The following TG variants were observed in gnomAD, a reference collection of about 807,000 sequenced individuals.
TG encodes thyroid hormones.
Under a neutral mutation model 324.7 loss-of-function variants are expected in TG, and 270 were observed. That is an observed-to-expected ratio of 0.83 (90% CI 0.75 to 0.92). TG has a LOEUF of 0.92. Among genes scored for constraint, TG ranks in the 40% least tolerant of loss-of-function variants. The probability of loss-of-function intolerance (pLI) is 0.00; values close to 1 mark genes in which losing one functional copy is unlikely to be tolerated. For synonymous variants in TG, 1,401 were observed against 1,327.0 expected (o/e 1.06, Z -1.21); for missense variants, 3,591 against 3,456.4 (o/e 1.04, Z -0.98).
chr8:133,058,115 C>T (rs1841786778), intron 41 of TG, among the ~76,000 whole-genome samples: 1 of 152,212 alleles, frequency 6.6e-6, no homozygotes, highest in Non-Finnish European at 1.5e-5. Flanking sequence ...AAAACTCTGA[C>T]CCTGTGCATG....
Position 133,018,008 on chromosome 8 carries a change from A to C in TG, c.6782+11A>C. ...TGCCAGCAAGCCAAGGTATGGGTTGAGTGGAGCACATCTTGGTAAATGCTC... is the reference window on the plus strand; with the variant it reads ...TGCCAGCAAGCCAAGGTATGGGTTGCGTGGAGCACATCTTGGTAAATGCTC... On this transcript the variant is annotated intron_variant, in intron 38 of 47. Transcript: ENST00000220616. 1.5e-5 allele frequency: 24 copies of C among 1,613,330 alleles called. No homozygotes were observed. Among genetic ancestry groups the C allele is most frequent in the Non-Finnish European group, 2.0e-5 (23 of 1,179,376 alleles).
chr8:132,922,617 C>T (rs1270479183), intron 21 of TG, among the ~76,000 whole-genome samples: 2 of 152,156 alleles, frequency 1.3e-5, no homozygotes, highest in African/African-American at 4.8e-5. Context: ...AAGAAAATAC[C>T]ATAAACTGGG....
intron 41 of TG, among the ~76,000 whole-genome samples, chr8:133,079,900 T>A (rs1440476989): frequency 6.6e-6 from 1 of 151,962 alleles, no homozygotes; most frequent in African/African-American, 2.4e-5. Flanking sequence ...CAAGATCGCA[T>A]ACAAGATAGA....
At chr8:132,869,022 C>A (rs891025740) in intron 2 of TG, among the ~76,000 whole-genome samples, 1 of 152,198 alleles carries the variant, frequency 6.6e-6, no homozygotes, top group Non-Finnish European at 1.5e-5. Flanking sequence ...AGAGATGCTG[C>A]TAGAGCAGTC....
intron 28 of TG, among the ~76,000 whole-genome samples, chr8:132,961,482 T>G (rs188589718): frequency 5.6e-4 from 85 of 152,274 alleles, no homozygotes; most frequent in Middle Eastern, 3.4e-3. Context: ...TGCCCTGATC[T>G]CCTGCTCAGA....
chr8:133,115,820 G>A (rs972780050), intron 44 of TG, among the ~76,000 whole-genome samples: 11 of 152,212 alleles, frequency 7.2e-5, no homozygotes, highest in Non-Finnish European at 1.5e-4. Context: ...GTCAGCACAC[G>A]CAGGGCCCCA....
intron 43 of TG, among the ~76,000 whole-genome samples, chr8:133,109,895 A>G (rs1056696796): frequency 2.0e-5 from 3 of 152,162 alleles, no homozygotes; most frequent in Non-Finnish European, 4.4e-5. Flanking sequence ...ACTCCTCTGC[A>G]GCCCAGGAGG....
At chr8:133,050,086 G>A (rs2741194) in intron 41 of TG, 157,809 of 842,002 alleles carry the variant, frequency 0.19, 19,972 homozygotes, top group East Asian at 0.51. Context: ...GGACAGTTTG[G>A]AACATTCCTC....
chr8:133,055,179 T>G (rs180725126), intron 41 of TG, among the ~76,000 whole-genome samples: 5 of 152,204 alleles, frequency 3.3e-5, no homozygotes, highest in Non-Finnish European at 7.4e-5. Context: ...AAAGGCAGAC[T>G]CCAGGTAAGT....
chr8:133,085,727 A>G (rs994294682), intron 41 of TG, among the ~76,000 whole-genome samples: 1 of 152,250 alleles, frequency 6.6e-6, no homozygotes, highest in Non-Finnish European at 1.5e-5. Flanking sequence ...TGTAAGCATT[A>G]CTGAAGATAT....
chr8:133,050,433 G>A (rs1457178323), intron 41 of TG: 1 of 247,432 alleles, frequency 4.0e-6, no homozygotes, highest in African/African-American at 2.2e-5. Flanking sequence ...TAAGAGGAGA[G>A]AAGGCAAATT....
chr8:132,976,152 G>GGGA (rs1830145883), intron 34 of TG, among the ~76,000 whole-genome samples: 1 of 152,176 alleles, frequency 6.6e-6, no homozygotes, highest in South Asian at 2.1e-4. Context: ...AATTGTGCTT[G>GGGA]GGAGGTGTCT....
At chr8:133,117,552 G>A (rs1406040701) in intron 45 of TG, among the ~76,000 whole-genome samples, 2 of 152,190 alleles carry the variant, frequency 1.3e-5, no homozygotes, top group Admixed American at 1.3e-4. Context: ...CACTGAGGCA[G>A]TGACTTCGTG....
chr8:132,957,136 C>T (rs937004488), intron 27 of TG, among the ~76,000 whole-genome samples: 2 of 152,018 alleles, frequency 1.3e-5, no homozygotes, highest in East Asian at 3.9e-4. Flanking sequence ...TGAAGACCAC[C>T]AAGGGGTTAT....
At chr8:133,120,492 A>G (rs183530441) in intron 45 of TG, among the ~76,000 whole-genome samples, 1 of 152,300 alleles carries the variant, frequency 6.6e-6, no homozygotes, top group Non-Finnish European at 1.5e-5. Context: ...CAAATTGTCA[A>G]CAGGAGCATG....
At chr8:132,997,862 C>T (rs1425087680) in intron 35 of TG, among the ~76,000 whole-genome samples, 4 of 152,140 alleles carry the variant, frequency 2.6e-5, no homozygotes, top group Non-Finnish European at 5.9e-5. Flanking sequence ...GTATGTTCCA[C>T]CATATATATC....
intron 10 of TG, 36 bp from the exon 11 acceptor site, chr8:132,893,654 T>A: frequency 6.2e-7 from 1 of 1,613,296 alleles, no homozygotes; most frequent in African/African-American, 1.3e-5. Context: ...GTCCACGTGG[T>A]GAGTGAGTCC....
chr8:133,131,760 G>A, intron 45 of TG, 52 bp from the exon 46 acceptor site: 1 of 1,608,904 alleles, frequency 6.2e-7, no homozygotes. Context: ...GTGTTTTTGA[G>A]TAGTTTACTT....
At chr8:132,878,131 G>C (rs2056525) in intron 5 of TG, among the ~76,000 whole-genome samples, 24,227 of 152,128 alleles carry the variant, frequency 0.16, 2,239 homozygotes, top group Admixed American at 0.22. Context: ...AATAGTCTAA[G>C]TTACTTGGTT....
Sources: allele counts gnomAD v4.1 joint callset (sites outside exome capture counted in the v4.1 genomes callset), GRCh38; gene constraint gnomAD v4.1.1; transcripts MANE v1.5; gene names NCBI Gene and HGNC (gene_info 2026-07-23, HGNC 2026-07-21).